Variants in DPP6 observed in about 807,000 individuals in gnomAD.
The protein encoded by DPP6 is A-type potassium channel modulatory protein DPP6.
Under a neutral mutation model 122.6 loss-of-function variants are expected in DPP6, and 69 were observed. The ratio of observed to expected loss-of-function variants is 0.56; its 90% CI spans 0.46 to 0.69. The LOEUF (loss-of-function observed/expected upper bound fraction) is 0.69, where lower values mean the gene tolerates loss of function less well. Ranked by LOEUF, DPP6 falls within the 30% of genes least tolerant of loss-of-function variation. The pLI is 0.00. For synonymous variants in DPP6, 418 were observed against 433.1 expected (o/e 0.97, Z 0.43); for missense variants, 928 against 1,116.9 (o/e 0.83, Z 2.41).
chr7:154,422,381 G>A (rs147950376), intron 1 of DPP6, among the ~76,000 whole-genome samples: 336 of 152,252 alleles, frequency 2.2e-3, no homozygotes, highest in Middle Eastern at 0.014. Flanking sequence ...TATGTGGGTG[G>A]GAACTAGGAT....
intron 15 of DPP6, among the ~76,000 whole-genome samples, chr7:154,805,286 G>GC (rs201665018): frequency 0.01 from 1,584 of 152,114 alleles, 19 homozygotes; most frequent in African/African-American, 0.035. Context: ...GAGGAATTCT[G>GC]CCCCCCCTGC....
At chr7:154,286,047 A>T (rs867923148) in intron 1 of DPP6, among the ~76,000 whole-genome samples, 46 of 152,302 alleles carry the variant, frequency 3.0e-4, no homozygotes, top group African/African-American at 1.1e-3. Flanking sequence ...TCAGTATTTT[A>T]AAAACATAGA....
At chr7:153,780,628 G>A in the DPP6 span, among the ~76,000 whole-genome samples, 1 of 152,152 alleles carries the variant, frequency 6.6e-6, no homozygotes, top group African/African-American at 2.4e-5. Flanking sequence ...TATTGTGATT[G>A]GCGAGAGGAT....
the DPP6 span, among the ~76,000 whole-genome samples, chr7:153,765,631 T>G: frequency 3.3e-5 from 5 of 151,982 alleles, no homozygotes; most frequent in Non-Finnish European, 7.4e-5. Flanking sequence ...AGGGGGTATA[T>G]CAGGAGGATG....
At chr7:154,176,584 AG>A (rs759244738) in intron 1 of DPP6, among the ~76,000 whole-genome samples, 80 of 152,342 alleles carry the variant, frequency 5.3e-4, no homozygotes, top group Middle Eastern at 3.4e-3. Flanking sequence ...GTGTGTCCAG[AG>A]TCACCATGTA....
intron 1 of DPP6, among the ~76,000 whole-genome samples, chr7:154,072,796 C>A (rs1276008564): frequency 6.6e-6 from 1 of 152,256 alleles, no homozygotes; most frequent in African/African-American, 2.4e-5. Context: ...GGCTTGATGT[C>A]CCTGGTGGTT....
chr7:154,323,371 A>C (rs1380258529), intron 1 of DPP6, among the ~76,000 whole-genome samples: 1 of 151,788 alleles, frequency 6.6e-6, no homozygotes, highest in Non-Finnish European at 1.5e-5. Flanking sequence ...GGCTGTAAGA[A>C]ATGAGGGCTG....
chr7:154,416,353 G>A (rs993670952), intron 1 of DPP6, among the ~76,000 whole-genome samples: 1 of 152,130 alleles, frequency 6.6e-6, no homozygotes, highest in Non-Finnish European at 1.5e-5. Context: ...CACGATGCCT[G>A]TGTCATTCCC....
chr7:154,780,950 TAATG>T (rs373381617), intron 10 of DPP6, among the ~76,000 whole-genome samples: 5 of 152,062 alleles, frequency 3.3e-5, no homozygotes, highest in African/African-American at 1.2e-4. Context: ...GATAGATGGA[TAATG>T]AATGGATGGG....
At chr7:153,832,770 GGTT>G in the DPP6 span, among the ~76,000 whole-genome samples, 1 of 151,592 alleles carries the variant, frequency 6.6e-6, no homozygotes, top group Non-Finnish European at 1.5e-5. Flanking sequence ...GTAAGCACAC[GGTT>G]GTTATTCCAA....
At chr7:153,903,515 T>C (rs1449009036) in intron 1 of DPP6, among the ~76,000 whole-genome samples, 1 of 152,192 alleles carries the variant, frequency 6.6e-6, no homozygotes, top group Non-Finnish European at 1.5e-5. Flanking sequence ...GGTAGAAAAT[T>C]AGTATCCCAC....
At chr7:154,182,807 G>A (rs1222581597) in intron 1 of DPP6, among the ~76,000 whole-genome samples, 1 of 152,098 alleles carries the variant, frequency 6.6e-6, no homozygotes, top group Non-Finnish European at 1.5e-5. Flanking sequence ...CCTGCTGTGG[G>A]ATGGAGAAGA....
At chr7:154,123,691 G>C (rs1807663321) in intron 1 of DPP6, among the ~76,000 whole-genome samples, 1 of 151,746 alleles carries the variant, frequency 6.6e-6, no homozygotes, top group African/African-American at 2.4e-5. Flanking sequence ...GCTTACCTGG[G>C]ACAAATGTGC....
the DPP6 span, among the ~76,000 whole-genome samples, chr7:153,861,667 T>C: frequency 6.6e-6 from 1 of 152,182 alleles, no homozygotes; most frequent in South Asian, 2.1e-4. Flanking sequence ...CCTATGTTTA[T>C]TATCTAGAAG....
At chr7:153,878,198 T>A in the DPP6 span, among the ~76,000 whole-genome samples, 3 of 152,206 alleles carry the variant, frequency 2.0e-5, no homozygotes, top group African/African-American at 7.2e-5. Context: ...AGCCTCTGTT[T>A]ATCAGGTTAC....
intron 3 of DPP6, among the ~76,000 whole-genome samples, chr7:154,488,708 C>T (rs977741113): frequency 5.3e-5 from 8 of 152,134 alleles, no homozygotes; most frequent in African/African-American, 1.9e-4. Flanking sequence ...ACACAGCCCA[C>T]ATATTTACAA....
At chr7:154,145,228 A>C (rs1330783676) in intron 1 of DPP6, among the ~76,000 whole-genome samples, 1 of 152,216 alleles carries the variant, frequency 6.6e-6, no homozygotes, top group Admixed American at 6.5e-5. Context: ...ACAGCTAGTC[A>C]CAGAGGAGGC....
intron 10 of DPP6, among the ~76,000 whole-genome samples, chr7:154,792,750 G>A (rs1464324811): frequency 1.3e-5 from 2 of 152,228 alleles, no homozygotes; most frequent in East Asian, 3.8e-4. Context: ...CAGGTTGAAA[G>A]GCACGAGAGC....
intron 8 of DPP6, among the ~76,000 whole-genome samples, chr7:154,739,633 A>C (rs1842726141): frequency 6.6e-6 from 1 of 151,822 alleles, no homozygotes; most frequent in African/African-American, 2.4e-5. Context: ...ATCATTTCAC[A>C]CTTAAATGAT....
Sources: allele counts gnomAD v4.1 joint callset (sites outside exome capture counted in the v4.1 genomes callset), GRCh38; gene constraint gnomAD v4.1.1; transcripts MANE v1.5; gene names NCBI Gene and HGNC (gene_info 2026-07-23, HGNC 2026-07-21).